ARHGAP26: variants seen among roughly 807,000 people sequenced by gnomAD.
ARHGAP26 encodes Rho GTPase activating protein 26.
Under a neutral mutation model 104.8 loss-of-function variants are expected in ARHGAP26, and 38 were observed. That is an observed-to-expected ratio of 0.36 (90% CI 0.28 to 0.48). The LOEUF is 0.48. Ranked by LOEUF, ARHGAP26 falls within the 20% of genes least tolerant of loss-of-function variation. The pLI is 0.99. For synonymous variants in ARHGAP26, 341 were observed against 340.0 expected, an observed-to-expected ratio of 1.00 and a Z score of -0.03; for missense variants, 704 against 947.9, an observed-to-expected ratio of 0.74 and a Z score of 3.38.
chr5:142,853,970 T>G (rs891780314), intron 1 of ARHGAP26, among the ~76,000 whole-genome samples: 3 of 152,028 alleles, frequency 2.0e-5, no homozygotes, highest in Admixed American at 2.0e-4. Flanking sequence ...TGTGGCAGGG[T>G]GGTGTGTTTC....
intron 1 of ARHGAP26, among the ~76,000 whole-genome samples, chr5:142,859,260 C>A (rs1209217159): frequency 6.6e-6 from 1 of 152,182 alleles, no homozygotes; most frequent in Non-Finnish European, 1.5e-5. Context: ...CCAAGTCTTT[C>A]TCAGGGTACC....
At chr5:143,125,217 A>G (rs182617709) in intron 18 of ARHGAP26, among the ~76,000 whole-genome samples, 42 of 152,352 alleles carry the variant, frequency 2.8e-4, no homozygotes, top group African/African-American at 9.6e-4. Context: ...AAGGCATACA[A>G]TCTTTTCTCT....
At chr5:143,217,663 G>T (rs1043879556) in intron 22 of ARHGAP26, among the ~76,000 whole-genome samples, 1 of 152,154 alleles carries the variant, frequency 6.6e-6, no homozygotes. Flanking sequence ...CCCCCAAGCT[G>T]CCTAGGAAAT....
intron 22 of ARHGAP26, among the ~76,000 whole-genome samples, chr5:143,220,895 C>T (rs111720559): frequency 1.1e-4 from 17 of 152,320 alleles, no homozygotes; most frequent in African/African-American, 3.8e-4. Context: ...GCGTCTTTCC[C>T]TACAAACTGA....
At chr5:143,120,912 G>A (rs1404373409) in intron 17 of ARHGAP26, 76 bp from the exon 18 acceptor site, 1 of 1,421,154 alleles carries the variant, frequency 7.0e-7, no homozygotes, top group African/African-American at 1.4e-5. Flanking sequence ...TAGGAAGATA[G>A]GAAGGATACA....
At chr5:143,105,300 C>A (rs1793832223) in intron 17 of ARHGAP26, among the ~76,000 whole-genome samples, 2 of 151,990 alleles carry the variant, frequency 1.3e-5, no homozygotes, top group Non-Finnish European at 2.9e-5. Flanking sequence ...TCGCTTGAAC[C>A]CGGGAGGCGG....
chr5:143,032,772 G>A (rs188231998), intron 12 of ARHGAP26, among the ~76,000 whole-genome samples: 1 of 152,298 alleles, frequency 6.6e-6, no homozygotes. Context: ...TTAATTATTA[G>A]TAATCTAATC....
intron 17 of ARHGAP26, among the ~76,000 whole-genome samples, chr5:143,061,250 A>C (rs1381327652): frequency 6.6e-6 from 1 of 152,190 alleles, no homozygotes; most frequent in East Asian, 1.9e-4. Context: ...AGGACACGAG[A>C]AAAGTATCCC....
chr5:142,931,749 T>G (rs996055012), intron 10 of ARHGAP26, among the ~76,000 whole-genome samples: 2 of 152,240 alleles, frequency 1.3e-5, no homozygotes, highest in African/African-American at 4.8e-5. Context: ...GAATAAGATT[T>G]CAAGGAATTG....
In ARHGAP26 at chr5:143,224,954, A is replaced by G. The variant is rs180716413; in HGVS notation, c.*2508A>G. 9.4e-5 allele frequency: 21 copies of G among 223,404 alleles called. No individual in the cohort carries two copies. In the Admixed American group the frequency reaches 1.0e-3, roughly 11 times the overall value. 13.8% of individuals were successfully genotyped at this position (223,404 alleles called of 1,614,324 possible). A position where few individuals can be genotyped will look rare whatever the true frequency, so the allele number is the denominator to read the frequency against. On this transcript the variant is annotated 3_prime_UTR_variant, in exon 23 of 23. Transcript: ENST00000645722. ...ACCCAGGAGCAAGCGAGACACTACC[A>G]TTGAATCAGGGAATGAGAATTAAGA...
At position 142,965,023 on chromosome 5, in the gene ARHGAP26, T is replaced by C. The variant is rs192585191; in HGVS notation, c.1107+32898T>C. 9.5e-4 allele frequency among the ~76,000 whole-genome samples: 145 copies of C among 152,310 alleles called. 1 individual carries two copies. The East Asian group carries it at 0.025, about 26-fold the overall frequency. On this transcript the variant is annotated intron_variant, in intron 11 of 22. Transcript: ENST00000645722. ...GATAGGTAAGGTCATGTGGGTCACA[T>C]GTCCACTGGACAAGGGGCCCTTCCC...
At chr5:142,851,146 G>A (rs1384717810) in intron 1 of ARHGAP26, among the ~76,000 whole-genome samples, 1 of 150,752 alleles carries the variant, frequency 6.6e-6, no homozygotes, top group Admixed American at 6.6e-5. Context: ...TGCCCAGGCT[G>A]GAGTGCAGTG....
At chr5:143,167,558 G>T (rs1262785623) in intron 20 of ARHGAP26, among the ~76,000 whole-genome samples, 1 of 141,342 alleles carries the variant, frequency 7.1e-6, no homozygotes, top group African/African-American at 2.7e-5. Context: ...GCGCTCAAAT[G>T]ATTACATTTC....
chr5:142,805,658 C>T (rs577464410), intron 1 of ARHGAP26, among the ~76,000 whole-genome samples: 23 of 152,256 alleles, frequency 1.5e-4, no homozygotes, highest in African/African-American at 5.3e-4. Context: ...TTTGGAATAG[C>T]TAATGAGGCA....
At chr5:143,154,880 A>G (rs534661660) in intron 20 of ARHGAP26, among the ~76,000 whole-genome samples, 1 of 152,120 alleles carries the variant, frequency 6.6e-6, no homozygotes, top group Non-Finnish European at 1.5e-5. Flanking sequence ...CAATTTTACC[A>G]TCCCCATGCT....
chr5:142,990,479 C>T (rs187368761), intron 11 of ARHGAP26, among the ~76,000 whole-genome samples: 34 of 152,304 alleles, frequency 2.2e-4, no homozygotes, highest in African/African-American at 4.6e-4. Flanking sequence ...AGTCATTCTC[C>T]GTCTAGCTTT....
At chr5:143,081,325 G>A (rs1789779444) in intron 17 of ARHGAP26, among the ~76,000 whole-genome samples, 1 of 152,202 alleles carries the variant, frequency 6.6e-6, no homozygotes, top group African/African-American at 2.4e-5. Flanking sequence ...TGGGATCAGA[G>A]CAGAGCCTTT....
At chr5:143,133,688 G>A (rs1332405750) in intron 18 of ARHGAP26, among the ~76,000 whole-genome samples, 1 of 152,162 alleles carries the variant, frequency 6.6e-6, no homozygotes, top group African/African-American at 2.4e-5. Context: ...TTTTTCCCTG[G>A]AGAGAACAAT....
intron 1 of ARHGAP26, chr5:142,772,786 A>G (rs535378212): frequency 1.9e-6 from 1 of 533,300 alleles, no homozygotes; most frequent in South Asian, 1.4e-5. Flanking sequence ...CCGGAATGGA[A>G]CCTCTTGCAC....
Sources: gnomAD v4.1 joint callset for allele counts (sites outside exome capture counted in the v4.1 genomes callset) on GRCh38, gnomAD v4.1.1 for gene constraint, MANE v1.5 for transcripts, NCBI Gene and HGNC (gene_info 2026-07-23, HGNC 2026-07-21) for gene names.